SNED1: variants seen among roughly 807,000 people sequenced by gnomAD.
SNED1 encodes sushi, nidogen and EGF-like domain-containing protein 1.
Under a neutral mutation model 166.7 loss-of-function variants are expected in SNED1, and 81 were observed. The ratio of observed to expected loss-of-function variants is 0.49; its 90% CI spans 0.41 to 0.58. The LOEUF (loss-of-function observed/expected upper bound fraction) is 0.58, where lower values mean the gene tolerates loss of function less well. Among genes scored for constraint, SNED1 ranks in the 20% least tolerant of loss-of-function variants. The pLI, the probability that SNED1 is intolerant of heterozygous loss-of-function variation, is 0.00. For synonymous variants in SNED1, 762 were observed against 822.0 expected, an observed-to-expected ratio of 0.93 and a Z score of 1.25; for missense variants, 1,604 against 2,000.2, an observed-to-expected ratio of 0.80 and a Z score of 3.78.
intron 12 of SNED1, 21 bp downstream of exon 12, chr2:241,049,954 C>T (rs1209498469): frequency 6.3e-7 from 1 of 1,588,320 alleles, no homozygotes; most frequent in East Asian, 2.2e-5. Flanking sequence ...CAGGGGCGTC[C>T]GGGCCGGCGT....
intron 2 of SNED1, among the ~76,000 whole-genome samples, chr2:241,031,458 C>T (rs1210941809): frequency 1.3e-5 from 2 of 152,346 alleles, no homozygotes; most frequent in African/African-American, 4.8e-5. Flanking sequence ...TTCCAAGTGA[C>T]AGGCAAGTGT....
intron 16 of SNED1, among the ~76,000 whole-genome samples, chr2:241,062,378 A>G (rs1189310070): frequency 6.6e-6 from 1 of 152,258 alleles, no homozygotes; most frequent in Non-Finnish European, 1.5e-5. Context: ...CTCCCGCTTG[A>G]AAAGAAAGCT....
At position 241,018,114 on chromosome 2, in the gene SNED1, CTCTG is replaced by C. The variant is rs1234162288; in HGVS notation, c.214-12165_214-12162del. Among the ~76,000 whole-genome samples the C allele has an allele frequency of 1.3e-5, 2 of 152,218 alleles. No individual in the cohort carries two copies. The highest frequency in any genetic ancestry group is 2.4e-5 in the African/African-American group (1 of 41,458). On this transcript the variant is annotated intron_variant, in intron 1 of 31. Coordinates refer to ENST00000310397, the MANE Select transcript of SNED1 (RefSeq NM_001080437.3). The surrounding 1 kb of genome is among the most constrained non-coding windows in gnomAD (Gnocchi z 5.4). The stretch of plus-strand genomic sequence containing the variant: ...CCCAGGTAACACGCAACCCGAGTAG[CTCTG>C]TCTGAGAACCGCCATTCGCCTTGCC...
rs200219556 is a variant in SNED1 at position 241,034,596 on chromosome 2, G to A, written c.671G>A (p.Arg224His). Residue 224 changes from arginine (R) to histidine (H), a missense_variant, in exon 4 of 32, where the codon CGT becomes CAT. By Grantham distance (29) the Arg-to-His change is conservative. This residue lies in a region of SNED1 where 1,237 missense variants were observed against 1,620.8 expected (regional missense o/e 0.76). Coordinates refer to ENST00000310397, the MANE Select transcript of SNED1 (RefSeq NM_001080437.3). ...GGCTTCAACGCAGGCGATGGGCAGC[G>A]TTACTTCAGTATCCCCGGCTCGCGC... is the stretch of plus-strand genomic sequence containing the variant. Reference protein sequence around the residue: ...QAGFNAGDGQRYFSIPGSRTA... With the variant: ...QAGFNAGDGQHYFSIPGSRTA... The A allele has an allele frequency of 5.6e-3, 9,026 of 1,610,148 alleles. 29 individuals carry two copies. The highest frequency in any genetic ancestry group is 7.2e-3 in the Non-Finnish European group (8,434 of 1,178,252).
At chr2:241,037,427 G>A (rs953253953) in intron 6 of SNED1, 74 bp downstream of exon 6, 3 of 1,065,166 alleles carry the variant, frequency 2.8e-6, no homozygotes, top group Non-Finnish European at 4.2e-6. Context: ...GGACAAGGCT[G>A]AGGTCTTGGA....
chr2:241,049,456 C>T lies in SNED1; in HGVS notation c.1618+321C>T, dbSNP rs73010035. On this transcript the variant is annotated intron_variant, in intron 11 of 31. Transcript: ENST00000310397. The stretch of plus-strand genomic sequence containing the variant: ...TAGGCATGTGTAATGAAATGTATCA[C>T]TACTATACGTTTGTTAGTGTATAGA... Among the ~76,000 whole-genome samples, 1,474 of 152,346 alleles carry T rather than the reference C, an allele frequency of 9.7e-3. 10 individuals carry two copies. The highest frequency in any genetic ancestry group is 0.016 in the Non-Finnish European group (1,105 of 68,032).
chr2:241,071,890 G>T lies in SNED1; in HGVS notation c.3817+12G>T, dbSNP rs750112988. 5.0e-6 allele frequency: 8 copies of T among 1,589,710 alleles called. No homozygotes were observed. The highest frequency in any genetic ancestry group is 4.3e-6 in the Non-Finnish European group (5 of 1,168,536). ...CACCGTGAGATCACGTGAGTGCCAG[G>T]GCCTCCCCACCCACCTTGGTGGCCC... On this transcript the variant is annotated intron_variant, in intron 26 of 31. Coordinates refer to ENST00000310397, the MANE Select transcript of SNED1 (RefSeq NM_001080437.3).
intron 1 of SNED1, chr2:241,015,643 G>A: frequency 6.0e-6 from 1 of 167,832 alleles, no homozygotes. Context: ...CATAGCGGTG[G>A]TGTTGGTGCC....
At chr2:241,053,045 G>A (rs1228952583) in intron 15 of SNED1, 108 bp from the exon 16 acceptor site, 69 of 1,062,980 alleles carry the variant, frequency 6.5e-5, no homozygotes, top group Non-Finnish European at 8.6e-5. Flanking sequence ...AGGGCAGTGT[G>A]GGAGCAGGAC....
chr2:241,004,021 A>T (rs1574834309), intron 1 of SNED1, among the ~76,000 whole-genome samples: 1 of 152,214 alleles, frequency 6.6e-6, no homozygotes, highest in East Asian at 1.9e-4. Flanking sequence ...GTCCTATGTG[A>T]GGAAGGAGAG....
rs753463843 is a variant in SNED1, at chr2:241,070,096, C to A, written c.3484C>A (p.Arg1162Ser). The change falls in exon 24 of 32, where the codon CGC becomes AGC. Residue 1162 changes from arginine to serine, a missense_variant. Physicochemically the swap from Arg to Ser is moderately radical, Grantham distance 110 (BLOSUM62 -1). Transcript: ENST00000310397. ...CGGGAAGCTGGCGTCCTACACGGTG[C>A]GCGACCTGCTGCCGGGACGGCGGTA... ...PNGKLASYTVRDLLPGRRYQL... is the reference protein window; with the variant it reads ...PNGKLASYTVSDLLPGRRYQL... 9 of 1,612,886 alleles carry A rather than the reference C, an allele frequency of 5.6e-6. No homozygotes were observed. The highest frequency in any genetic ancestry group is 7.6e-6 in the Non-Finnish European group (9 of 1,179,872).
At chr2:241,057,027 A>G (rs2062067808) in intron 16 of SNED1, among the ~76,000 whole-genome samples, 1 of 152,212 alleles carries the variant, frequency 6.6e-6, no homozygotes, top group South Asian at 2.1e-4. Flanking sequence ...ATTTTCTAAA[A>G]ATGAAGAAAT....
intron 26 of SNED1, chr2:241,072,534 C>T: frequency 3.1e-6 from 1 of 322,804 alleles, no homozygotes; most frequent in Non-Finnish European, 6.0e-6. Flanking sequence ...CCCAACAGAG[C>T]CTAGTCACCA....
Position 241,011,752 on chromosome 2 carries a change from A to G in SNED1, c.213+12702A>G, listed in dbSNP as rs371957366. 5.3e-5 allele frequency among the ~76,000 whole-genome samples: 8 copies of G among 152,158 alleles called. No homozygotes were observed. In the East Asian group the frequency reaches 9.6e-4, roughly 18 times the overall value. ...CCACATGGCTCCCTGCCCTGCTTCT[A>G]GCTCCTGGGCCCTCTGGCCTGGGCC... On this transcript the variant is annotated intron_variant, in intron 1 of 31. Transcript: ENST00000310397.
rs1047939256 is a variant in SNED1 at position 241,064,355 on chromosome 2, A to T, written c.2599+230A>T. 5.9e-5 allele frequency among the ~76,000 whole-genome samples: 9 copies of T among 151,936 alleles called. No individual in the cohort carries two copies. Among genetic ancestry groups the T allele is most frequent in the African/African-American group, 1.9e-4 (8 of 41,420 alleles). ...TCCCCATCTCCTGCGCTCACCCCCC[A>T]GACACCCCTCTTCACCCGAGGACAC... On this transcript the variant is annotated intron_variant, in intron 19 of 31. Coordinates refer to ENST00000310397, the MANE Select transcript of SNED1 (RefSeq NM_001080437.3). The surrounding 1 kb of genome is among the most constrained non-coding windows in gnomAD (Gnocchi z 7.0).
chr2:241,039,650 G>A (rs543482116), intron 6 of SNED1, among the ~76,000 whole-genome samples: 6 of 152,070 alleles, frequency 3.9e-5, no homozygotes, highest in Admixed American at 2.0e-4. Context: ...CCAGCCTCTC[G>A]CCCCAGGGGC....
intron 21 of SNED1, among the ~76,000 whole-genome samples, chr2:241,065,996 A>G (rs2062432837): frequency 6.6e-6 from 1 of 151,484 alleles, no homozygotes; most frequent in Non-Finnish European, 1.5e-5. Flanking sequence ...GCCTGGGGAG[A>G]GTTTGAAAGA....
intron 27 of SNED1, among the ~76,000 whole-genome samples, chr2:241,077,599 A>G (rs1208299681): frequency 6.6e-6 from 1 of 152,154 alleles, no homozygotes; most frequent in East Asian, 1.9e-4. Flanking sequence ...GACATGGGCA[A>G]ATCATACCTG....
intron 29 of SNED1, among the ~76,000 whole-genome samples, chr2:241,083,633 C>T (rs970726584): frequency 3.3e-5 from 5 of 152,200 alleles, no homozygotes; most frequent in African/African-American, 1.2e-4. Flanking sequence ...TCCGAATCCA[C>T]AGTATCTGCC....
Sources: allele counts gnomAD v4.1 joint callset (sites outside exome capture counted in the v4.1 genomes callset), GRCh38; gene constraint gnomAD v4.1.1; regional missense constraint gnomAD v4.1.1; non-coding constraint Gnocchi (gnomAD v3.1); transcripts MANE v1.5; gene names NCBI Gene and HGNC (gene_info 2026-07-23, HGNC 2026-07-21).